RBFOX1: variants seen among roughly 807,000 people sequenced by gnomAD.
The protein encoded by RBFOX1 is RNA binding protein fox-1 homolog 1.
In RBFOX1, 8 loss-of-function variants were observed where a neutral mutation model predicts 57.7. The observed-to-expected ratio is 0.14, with a 90% CI of 0.08 to 0.25. The LOEUF (loss-of-function observed/expected upper bound fraction) is 0.25, where lower values mean the gene tolerates loss of function less well. Ranked by LOEUF, RBFOX1 falls within the 10% of genes least tolerant of loss-of-function variation. The pLI is 1.00. For missense variants in RBFOX1, 611 were observed against 548.5 expected (o/e 1.11, Z -1.14); for synonymous variants, 326 against 222.4 (o/e 1.47, Z -4.15).
intron 10 of RBFOX1, among the ~76,000 whole-genome samples, chr16:7,615,237 G>A (rs1272706659): frequency 6.6e-6 from 1 of 152,180 alleles, no homozygotes; most frequent in Non-Finnish European, 1.5e-5. Context: ...GGAGGCTGAG[G>A]CAGGAGAATG....
chr16:6,514,671 A>G (rs752018372), intron 2 of RBFOX1, among the ~76,000 whole-genome samples: 5 of 152,032 alleles, frequency 3.3e-5, no homozygotes, highest in Non-Finnish European at 7.4e-5. Context: ...GACCACAAAA[A>G]TGGTGTCTCC....
In RBFOX1 at chr16:5,545,363, G is replaced by A. The variant is rs547056696; in HGVS notation, c.259-53539G>A. Among the ~76,000 whole-genome samples, 4 of 152,188 alleles carry A rather than the reference G, an allele frequency of 2.6e-5. No individual in the cohort carries two copies. The East Asian group carries it at 7.7e-4, about 29-fold the overall frequency. Reference sequence around the variant, plus strand: ...AATTGAAGAGGAAAGATTATTTTAGGAGACAGGTATTGCCCTAATAGCAAA... The same window carrying A: ...AATTGAAGAGGAAAGATTATTTTAGAAGACAGGTATTGCCCTAATAGCAAA... On this transcript the variant is annotated intron_variant, in intron 2 of 2. Coordinates refer to the RBFOX1 transcript ENST00000585867.
chr16:5,875,122 C>A (rs79534833), intron 4 of RBFOX1, among the ~76,000 whole-genome samples: 5 of 152,196 alleles, frequency 3.3e-5, no homozygotes, highest in Non-Finnish European at 5.9e-5. Flanking sequence ...CTTCCCATAG[C>A]AACAGCAGCA....
intron 4 of RBFOX1, among the ~76,000 whole-genome samples, chr16:7,513,466 T>G (rs1255980282): frequency 6.6e-6 from 1 of 152,106 alleles, no homozygotes; most frequent in South Asian, 2.1e-4. Flanking sequence ...AGATTAGAGA[T>G]GCATTGCATG....
chr16:6,890,899 G>A (rs1181815008), intron 3 of RBFOX1, among the ~76,000 whole-genome samples: 1 of 152,212 alleles, frequency 6.6e-6, no homozygotes. Context: ...GGTATGAAGT[G>A]AGCATGAAGT....
chr16:7,420,418 C>T (rs967513480), intron 4 of RBFOX1, among the ~76,000 whole-genome samples: 11 of 152,258 alleles, frequency 7.2e-5, no homozygotes, highest in Admixed American at 2.6e-4. Context: ...GCAATAAAAA[C>T]AGGAGCAAAA....
In RBFOX1 at chr16:7,491,556, A is replaced by G. The variant is rs1180698460; in HGVS notation, c.28-26591A>G. On this transcript the variant is annotated intron_variant, in intron 4 of 15. Transcript: ENST00000550418. ...TGATCTTTGGGCTGGAGTCAAGGCA[A>G]TCTTTTGAATTAGTTCTGTCTCTCT... Among the ~76,000 whole-genome samples the G allele has an allele frequency of 5.9e-5, 9 of 151,544 alleles. No homozygotes were observed. In the Admixed American group the frequency reaches 5.9e-4, roughly 10 times the overall value.
At position 7,341,776 on chromosome 16, in the gene RBFOX1, CTCCTTCCTTCCT is replaced by C. The variant is rs767808435; in HGVS notation, c.28-176329_28-176318del. On this transcript the variant is annotated intron_variant, in intron 4 of 15. Coordinates refer to ENST00000550418, the MANE Select transcript of RBFOX1 (RefSeq NM_018723.4). ...CCTCCTTCCCTCCTTCCCTCCCTCC[CTCCTTCCTTCCT>C]TCCTTCCTTCCTTCCTTCCTTCCTT... Among the ~76,000 whole-genome samples, 317 of 95,192 alleles carry C rather than the reference CTCCTTCCTTCCT, an allele frequency of 3.3e-3. 3 individuals are homozygous for C. Among genetic ancestry groups the C allele is most frequent in the Admixed American group, 0.019 (157 of 8,376 alleles). The allele number at this position is 95,192 out of a possible 152,430, so 62.4% of individuals were successfully genotyped here.
intron 3 of RBFOX1, among the ~76,000 whole-genome samples, chr16:6,809,166 T>C (rs1248277958): frequency 6.6e-6 from 1 of 152,196 alleles, no homozygotes; most frequent in East Asian, 1.9e-4. Context: ...TTTCTGTAAG[T>C]CATTTCCCTT....
chr16:7,414,258 G>C (rs1054443396), intron 4 of RBFOX1, among the ~76,000 whole-genome samples: 1 of 152,206 alleles, frequency 6.6e-6, no homozygotes, highest in African/African-American at 2.4e-5. Flanking sequence ...CACCTTGGTG[G>C]AGATGATTGG....
chr16:6,106,760 C>T (rs542861320), intron 1 of RBFOX1, among the ~76,000 whole-genome samples: 21 of 152,200 alleles, frequency 1.4e-4, no homozygotes, highest in Admixed American at 6.5e-4. Context: ...CTCTGCCTCC[C>T]GGGTTCATGC....
intron 2 of RBFOX1, among the ~76,000 whole-genome samples, chr16:6,607,440 C>A (rs561807590): frequency 1.3e-5 from 2 of 149,394 alleles, no homozygotes; most frequent in East Asian, 3.9e-4. Flanking sequence ...CTCTCTCGCT[C>A]TCTATCTCTC....
chr16:6,544,904 C>G (rs1214153130), intron 2 of RBFOX1, among the ~76,000 whole-genome samples: 2 of 152,170 alleles, frequency 1.3e-5, no homozygotes, highest in Non-Finnish European at 2.9e-5. Context: ...TTGCACATGT[C>G]TGCTTTTTAT....
At chr16:7,549,062 T>C (rs2085505165) in intron 5 of RBFOX1, among the ~76,000 whole-genome samples, 1 of 152,202 alleles carries the variant, frequency 6.6e-6, no homozygotes, top group African/African-American at 2.4e-5. Flanking sequence ...AGGAAGGACT[T>C]TCTGAAGAGG....
chr16:5,354,061 G>C (rs1269109150), intron 1 of RBFOX1, among the ~76,000 whole-genome samples: 1 of 101,020 alleles, frequency 9.9e-6, no homozygotes, highest in African/African-American at 2.8e-5. Flanking sequence ...CAGAAAGGCT[G>C]CTGGGAGGCC....
At chr16:6,303,583 C>T (rs566551568) in intron 1 of RBFOX1, among the ~76,000 whole-genome samples, 18 of 152,130 alleles carry the variant, frequency 1.2e-4, no homozygotes, top group African/African-American at 2.4e-4. Flanking sequence ...TTTCCTTCTC[C>T]GCTCTGGTCC....
At chr16:5,382,179 C>T (rs938248986) in intron 1 of RBFOX1, among the ~76,000 whole-genome samples, 216 of 152,324 alleles carry the variant, frequency 1.4e-3, no homozygotes, top group African/African-American at 5.1e-3. Context: ...TTCAGGCCAT[C>T]TAAGAGTTAA....
chr16:5,598,842 A>C, intron 2 of RBFOX1: 7 of 1,331,670 alleles, frequency 5.3e-6, no homozygotes, highest in Non-Finnish European at 7.0e-6. Flanking sequence ...TCAAGGTTAG[A>C]ATTTTTTTCC....
chr16:5,454,926 T>TTC (rs2068562876), intron 1 of RBFOX1, among the ~76,000 whole-genome samples: 7 of 54,808 alleles, frequency 1.3e-4, no homozygotes, highest in South Asian at 6.6e-4. Context: ...TTTGTTTCTT[T>TTC]CTTCCTTCCT....
Sources: allele counts gnomAD v4.1 joint callset (sites outside exome capture counted in the v4.1 genomes callset), GRCh38; gene constraint gnomAD v4.1.1; transcripts MANE v1.5; gene names NCBI Gene and HGNC (gene_info 2026-07-23, HGNC 2026-07-21).